CNTNAP2: variants seen among roughly 807,000 people sequenced by gnomAD.
CNTNAP2 encodes contactin associated protein 2.
Under a neutral mutation model 155.2 loss-of-function variants are expected in CNTNAP2, and 98 were observed. That is an observed-to-expected ratio of 0.63 (90% CI 0.54 to 0.75). The LOEUF is 0.75. Ranked by LOEUF, CNTNAP2 falls within the 30% of genes least tolerant of loss-of-function variation. CNTNAP2 has a pLI of 0.00. For synonymous variants in CNTNAP2, 651 were observed against 631.2 expected (o/e 1.03, Z -0.47); for missense variants, 1,727 against 1,688.1 (o/e 1.02, Z -0.40).
At chr7:146,904,628 C>A (rs892894961) in intron 3 of CNTNAP2, among the ~76,000 whole-genome samples, 3 of 152,068 alleles carry the variant, frequency 2.0e-5, no homozygotes, top group Non-Finnish European at 2.9e-5. Context: ...CCCGCCACCA[C>A]GCCTGGCTAA....
chr7:147,067,313 A>T (rs1415332960), intron 4 of CNTNAP2, among the ~76,000 whole-genome samples: 2 of 141,950 alleles, frequency 1.4e-5, no homozygotes, highest in African/African-American at 2.8e-5. Flanking sequence ...AAAAAAAAAA[A>T]GGACTAATCC....
intron 21 of CNTNAP2, among the ~76,000 whole-genome samples, chr7:148,294,357 G>A (rs575975875): frequency 1.4e-4 from 21 of 152,170 alleles, no homozygotes; most frequent in Non-Finnish European, 2.8e-4. Context: ...AATTAACCTC[G>A]AAATAATAAC....
chr7:148,035,300 G>A (rs1802553197), intron 15 of CNTNAP2, among the ~76,000 whole-genome samples: 1 of 152,160 alleles, frequency 6.6e-6, no homozygotes, highest in South Asian at 2.1e-4. Flanking sequence ...TTACCCGAAG[G>A]TGTTTTGGAG....
At chr7:147,406,588 C>T (rs567927556) in intron 10 of CNTNAP2, among the ~76,000 whole-genome samples, 3 of 152,282 alleles carry the variant, frequency 2.0e-5, no homozygotes, top group Non-Finnish European at 2.9e-5. Context: ...ATTCTCATGG[C>T]ACCCATTGCT....
At chr7:146,990,671 C>G (rs1044378713) in intron 3 of CNTNAP2, among the ~76,000 whole-genome samples, 1 of 151,962 alleles carries the variant, frequency 6.6e-6, no homozygotes, top group Admixed American at 6.6e-5. Flanking sequence ...ACCATTCAAT[C>G]AAAAGAGTGA....
At chr7:146,653,058 G>T (rs1473318410) in intron 1 of CNTNAP2, among the ~76,000 whole-genome samples, 1 of 152,092 alleles carries the variant, frequency 6.6e-6, no homozygotes, top group African/African-American at 2.4e-5. Flanking sequence ...GACTTATAAA[G>T]CTAGAAATTC....
chr7:146,307,753 G>A (rs1043756055), intron 1 of CNTNAP2, among the ~76,000 whole-genome samples: 2 of 152,116 alleles, frequency 1.3e-5, no homozygotes, highest in Admixed American at 6.5e-5. Flanking sequence ...TTAATAAATG[G>A]TGCTGGGAAA....
chr7:147,001,711 G>A (rs921537606), intron 3 of CNTNAP2, among the ~76,000 whole-genome samples: 2 of 151,474 alleles, frequency 1.3e-5, no homozygotes, highest in Non-Finnish European at 2.9e-5. Context: ...CACCCCATGA[G>A]GATAGTTATA....
intron 19 of CNTNAP2, among the ~76,000 whole-genome samples, chr7:148,220,142 G>A (rs1180978389): frequency 1.3e-5 from 2 of 152,158 alleles, no homozygotes; most frequent in African/African-American, 4.8e-5. Flanking sequence ...TCGCTCTGTC[G>A]CCCAGGCCGG....
intron 18 of CNTNAP2, chr7:148,190,902 GA>G (rs1226838615): frequency 6.6e-6 from 1 of 151,526 alleles, no homozygotes; most frequent in Non-Finnish European, 1.5e-5. Context: ...AAAAATAGAA[GA>G]AAAAACATGC....
intron 1 of CNTNAP2, among the ~76,000 whole-genome samples, chr7:146,407,606 G>A (rs1366286669): frequency 6.6e-6 from 1 of 152,082 alleles, no homozygotes; most frequent in Non-Finnish European, 1.5e-5. Flanking sequence ...GGAAACTTCT[G>A]GGATAGTCAT....
At chr7:146,930,676 G>C (rs1428915339) in intron 3 of CNTNAP2, among the ~76,000 whole-genome samples, 1 of 152,174 alleles carries the variant, frequency 6.6e-6, no homozygotes, top group East Asian at 1.9e-4. Flanking sequence ...TCAGTGTGCT[G>C]TATTCAGGAA....
chr7:147,106,358 C>T (rs1800765155), intron 4 of CNTNAP2, among the ~76,000 whole-genome samples: 1 of 151,988 alleles, frequency 6.6e-6, no homozygotes, highest in Non-Finnish European at 1.5e-5. Context: ...AAGATATTGC[C>T]ATTGAAATTC....
intron 21 of CNTNAP2, among the ~76,000 whole-genome samples, chr7:148,288,457 T>C (rs1238956115): frequency 1.3e-5 from 2 of 152,130 alleles, no homozygotes; most frequent in Non-Finnish European, 2.9e-5. Flanking sequence ...GCGATGACCT[T>C]ATCTAATTCT....
intron 14 of CNTNAP2, among the ~76,000 whole-genome samples, chr7:147,968,726 T>C (rs1801272112): frequency 6.6e-6 from 1 of 152,094 alleles, no homozygotes. Context: ...TCATAATCAT[T>C]TCAGTGATGC....
intron 1 of CNTNAP2, among the ~76,000 whole-genome samples, chr7:146,636,969 T>A (rs533739309): frequency 1.3e-5 from 2 of 152,230 alleles, no homozygotes; most frequent in African/African-American, 4.8e-5. Context: ...CACAGTGTCA[T>A]TGGACACACG....
intron 1 of CNTNAP2, among the ~76,000 whole-genome samples, chr7:146,158,425 C>A (rs150238680): frequency 6.6e-6 from 1 of 152,052 alleles, no homozygotes; most frequent in Non-Finnish European, 1.5e-5. Context: ...TTCAGAGGAT[C>A]GGTAATAACA....
intron 12 of CNTNAP2, among the ~76,000 whole-genome samples, chr7:147,615,380 C>T (rs2116883812): frequency 6.8e-6 from 1 of 146,020 alleles, no homozygotes; most frequent in East Asian, 2.1e-4. Context: ...CGTTGGGTGG[C>T]TGAGGCAGGA....
At chr7:147,571,864 T>C (rs1472495561) in intron 12 of CNTNAP2, among the ~76,000 whole-genome samples, 1 of 152,184 alleles carries the variant, frequency 6.6e-6, no homozygotes, top group African/African-American at 2.4e-5. Flanking sequence ...TCTTTCTGTC[T>C]CCTAACCTAG....
Sources: allele counts gnomAD v4.1 joint callset (sites outside exome capture counted in the v4.1 genomes callset), GRCh38; gene constraint gnomAD v4.1.1; transcripts MANE v1.5; gene names NCBI Gene and HGNC (gene_info 2026-07-23, HGNC 2026-07-21).